REPS2: variants seen among roughly 807,000 people sequenced by gnomAD.
REPS2 encodes RALBP1 associated Eps domain containing 2.
In REPS2, 23 loss-of-function variants were observed where a neutral mutation model predicts 53.6. The observed-to-expected ratio is 0.43, with a 90% CI of 0.31 to 0.61. The LOEUF is 0.61. Ranked by LOEUF, REPS2 falls within the 20% of genes least tolerant of loss-of-function variation. REPS2 has a pLI of 0.11. For synonymous variants in REPS2, 238 were observed against 218.6 expected (o/e 1.09, Z -0.78); for missense variants, 446 against 534.9 (o/e 0.83, Z 1.64).
chrX:16,971,698 G>A (rs1174854968), intron 1 of REPS2, among the ~76,000 whole-genome samples: 1 of 111,980 alleles, frequency 8.9e-6, no homozygotes, highest in African/African-American at 3.2e-5. Context: ...ATTTTTGTAC[G>A]TGGTGTGAAG....
the REPS2 span, among the ~76,000 whole-genome samples, chrX:17,192,203 T>C: frequency 8.9e-6 from 1 of 112,624 alleles, no homozygotes; most frequent in Non-Finnish European, 1.9e-5. Context: ...CGTGTGTGTG[T>C]GCGTGCACGC....
chrX:16,966,311 A>C (rs1331007029), intron 1 of REPS2, among the ~76,000 whole-genome samples: 1 of 112,410 alleles, frequency 8.9e-6, no homozygotes, highest in Non-Finnish European at 1.9e-5. Flanking sequence ...TCTTAAGAAA[A>C]TACCACAGCT....
chrX:17,151,762 G>A lies in REPS2; in HGVS notation c.*4281G>A, dbSNP rs765563653. On this transcript the variant is annotated 3_prime_UTR_variant, in exon 18 of 18. Transcript: ENST00000357277. ...CCCACTGTGTTTAAAGAGAACACTA[G>A]TAATTCTGGTTTTTCTTTCTAACTG... is the stretch of plus-strand genomic sequence containing the variant. The A allele has an allele frequency of 7.1e-5, 8 of 112,214 alleles. No homozygotes were observed. Among genetic ancestry groups the A allele is most frequent in the Admixed American group, 3.8e-4 (4 of 10,647 alleles). The allele number at this position is 112,214 out of a possible 1,213,427, so 9.2% of individuals were successfully genotyped here.
chrX:17,062,412 G>A (rs1221244371), intron 8 of REPS2, 26 bp from the exon 9 acceptor site: 1 of 1,046,566 alleles, frequency 9.6e-7, no homozygotes. Flanking sequence ...GAAATATTCT[G>A]ATATATTCTT....
chrX:17,184,528 C>T, the REPS2 span, among the ~76,000 whole-genome samples: 2 of 107,623 alleles, frequency 1.9e-5, no homozygotes, highest in Admixed American at 2.0e-4. Flanking sequence ...ATTTATAGTC[C>T]TTTGGGTATA....
chrX:17,014,990 C>T (rs2061471416), intron 2 of REPS2, among the ~76,000 whole-genome samples: 1 of 113,167 alleles, frequency 8.8e-6, no homozygotes, highest in African/African-American at 3.2e-5. Flanking sequence ...CATTATGAAT[C>T]TTTCCTTCAT....
At chrX:17,121,912 A>G (rs1267790578) in intron 14 of REPS2, among the ~76,000 whole-genome samples, 2 of 110,804 alleles carry the variant, frequency 1.8e-5, no homozygotes, top group Non-Finnish European at 3.8e-5. Flanking sequence ...CACCACACCC[A>G]GATAATTTTT....
At chrX:17,079,609 T>A (rs1309370356) in intron 13 of REPS2, among the ~76,000 whole-genome samples, 1 of 112,105 alleles carries the variant, frequency 8.9e-6, no homozygotes, top group Non-Finnish European at 1.9e-5. Flanking sequence ...AGTATTTTGG[T>A]TTGATAATGC....
At chrX:17,169,454 A>G in the REPS2 span, among the ~76,000 whole-genome samples, 1 of 111,426 alleles carries the variant, frequency 9.0e-6, no homozygotes, top group Non-Finnish European at 1.9e-5. Flanking sequence ...CCGAGGCAAG[A>G]GGATCACTTG....
chrX:17,123,158 A>C (rs111762995), intron 14 of REPS2, among the ~76,000 whole-genome samples: 2,777 of 111,769 alleles, frequency 0.025, 91 homozygotes, highest in African/African-American at 0.087. Flanking sequence ...GGCAAGAGGC[A>C]TGCATGGGGC....
At chrX:17,161,215 A>C in the REPS2 span, among the ~76,000 whole-genome samples, 4 of 111,382 alleles carry the variant, frequency 3.6e-5, no homozygotes, top group Non-Finnish European at 7.5e-5. Context: ...GGCTGTCATG[A>C]TCTCCACCCT....
At chrX:17,084,036 T>A (rs5924588) in intron 13 of REPS2, among the ~76,000 whole-genome samples, 2 of 102,168 alleles carry the variant, frequency 2.0e-5, no homozygotes, top group Admixed American at 1.1e-4. Flanking sequence ...TTCATCCCCC[T>A]CAAAAGAAAC....
chrX:17,118,585 G>C (rs953504625), intron 14 of REPS2, among the ~76,000 whole-genome samples: 10 of 112,132 alleles, frequency 8.9e-5, no homozygotes, highest in African/African-American at 3.2e-4. Context: ...GAAAAGGGCT[G>C]GAAAAGGTTT....
chrX:17,161,763 A>C, the REPS2 span, among the ~76,000 whole-genome samples: 2 of 112,057 alleles, frequency 1.8e-5, no homozygotes, highest in Non-Finnish European at 3.8e-5. Flanking sequence ...ATAGGAAACT[A>C]ATACAAAGTC....
Position 17,050,194 on chromosome X carries a change from C to CTTTTCT in REPS2, c.908-2184_908-2183insCTTTTT, listed in dbSNP as rs1555926833. Among the ~76,000 whole-genome samples, 232 of 51,688 alleles carry CTTTTCT rather than the reference C, an allele frequency of 4.5e-3. 5 individuals carry two copies. The highest frequency in any genetic ancestry group is 5.8e-3 in the Non-Finnish European group (185 of 32,170). The allele number at this position is 51,688 out of a possible 115,157, so 44.9% of individuals were successfully genotyped here. On this transcript the variant is annotated intron_variant, in intron 6 of 17. Transcript: ENST00000357277. ...TCTTTCTTTCTTTCTTTCTTTCTTT[C>CTTTTCT]TTTTTTTTTTTTTTTTGACAGGGTC... is the stretch of plus-strand genomic sequence containing the variant.
chrX:16,958,981 G>T lies in REPS2; in HGVS notation c.273+11847G>T, dbSNP rs139608062. 7.1e-5 allele frequency among the ~76,000 whole-genome samples: 8 copies of T among 112,589 alleles called. No homozygotes were observed. The East Asian group carries it at 2.2e-3, about 31-fold the overall frequency. ...TGGGGATACAGACCTCCATGAAGGA[G>T]AAGAGAGGGTTGGATAGGAGTGACT... On this transcript the variant is annotated intron_variant, in intron 1 of 17. Transcript: ENST00000357277.
chrX:17,132,852 T>C (rs765674346), intron 14 of REPS2, among the ~76,000 whole-genome samples: 9 of 112,468 alleles, frequency 8.0e-5, no homozygotes, highest in Non-Finnish European at 1.5e-4. Flanking sequence ...AGACATTCTA[T>C]TAGTGACATA....
At chrX:17,183,341 T>C in the REPS2 span, among the ~76,000 whole-genome samples, 1 of 112,233 alleles carries the variant, frequency 8.9e-6, no homozygotes, top group Non-Finnish European at 1.9e-5. Context: ...AATGATACAC[T>C]TATTCACTAC....
In REPS2 at chrX:17,071,765, C is replaced by A. The variant is rs182859093; in HGVS notation, c.1333+1772C>A. 2.7e-5 allele frequency among the ~76,000 whole-genome samples: 3 copies of A among 111,615 alleles called. No individual in the cohort carries two copies. In the Admixed American group the frequency reaches 2.8e-4, roughly 11 times the overall value. On this transcript the variant is annotated intron_variant, in intron 11 of 17. Transcript: ENST00000357277. ...GCTTTTTGGAGGGTTAATCTCTAGG[C>A]CTGCTCCTCTTTCCATTCCCATTTC...
Sources: allele counts gnomAD v4.1 joint callset (sites outside exome capture counted in the v4.1 genomes callset), GRCh38; gene constraint gnomAD v4.1.1; transcripts MANE v1.5; gene names NCBI Gene and HGNC (gene_info 2026-07-23, HGNC 2026-07-21).